Variants in LRRC4C observed in about 807,000 individuals in gnomAD.
The protein encoded by LRRC4C is leucine-rich repeat-containing protein 4C.
A neutral mutation model predicts 33.6 loss-of-function variants in LRRC4C; 5 were observed. The ratio of observed to expected loss-of-function variants is 0.15; its 90% CI spans 0.08 to 0.31. The LOEUF (loss-of-function observed/expected upper bound fraction) is 0.31. LRRC4C is among the 10% of genes least tolerant of loss of function. LRRC4C has a pLI of 1.00. For missense variants in LRRC4C, 560 were observed against 796.7 expected, an observed-to-expected ratio of 0.70 and a Z score of 3.58; for synonymous variants, 329 against 302.0, an observed-to-expected ratio of 1.09 and a Z score of -0.93.
At chr11:41,411,731 G>A (rs948047129) in intron 1 of LRRC4C, among the ~76,000 whole-genome samples, 3 of 152,144 alleles carry the variant, frequency 2.0e-5, no homozygotes, top group African/African-American at 4.8e-5. Flanking sequence ...AAGTTTGCAC[G>A]TTCTCCTGCT....
intron 4 of LRRC4C, among the ~76,000 whole-genome samples, chr11:40,262,152 C>T (rs1333381544): frequency 6.6e-6 from 1 of 152,120 alleles, no homozygotes; most frequent in African/African-American, 2.4e-5. Flanking sequence ...CAAACAACCA[C>T]ATCAAAAAGT....
At chr11:40,344,653 G>A (rs1231590165) in intron 3 of LRRC4C, among the ~76,000 whole-genome samples, 3 of 152,132 alleles carry the variant, frequency 2.0e-5, no homozygotes, top group Non-Finnish European at 4.4e-5. Context: ...GGCCTGGCCT[G>A]AGCAATCCAG....
chr11:40,350,277 G>C (rs1044262526), intron 3 of LRRC4C, among the ~76,000 whole-genome samples: 1 of 152,016 alleles, frequency 6.6e-6, no homozygotes, highest in Admixed American at 6.6e-5. Flanking sequence ...CATGTGCTGA[G>C]ATATAGGGGT....
intron 4 of LRRC4C, among the ~76,000 whole-genome samples, chr11:40,243,886 G>A (rs1464535205): frequency 6.8e-6 from 1 of 147,386 alleles, no homozygotes; most frequent in Non-Finnish European, 1.5e-5. Context: ...TTTTGGTAGA[G>A]ACGGAGTTTC....
intron 1 of LRRC4C, among the ~76,000 whole-genome samples, chr11:41,447,300 G>A (rs192785748): frequency 6.6e-6 from 1 of 152,186 alleles, no homozygotes; most frequent in East Asian, 1.9e-4. Flanking sequence ...TAAGATTTAT[G>A]TTCATCCTCA....
intron 2 of LRRC4C, among the ~76,000 whole-genome samples, chr11:40,690,402 C>A (rs7112114): frequency 0.63 from 95,503 of 151,842 alleles, 30,160 homozygotes; most frequent in East Asian, 0.71. Context: ...AACAAGCAAA[C>A]CCTATTTATT....
intron 2 of LRRC4C, among the ~76,000 whole-genome samples, chr11:40,803,947 A>T (rs1332090461): frequency 6.6e-6 from 1 of 152,180 alleles, no homozygotes; most frequent in Admixed American, 6.5e-5. Flanking sequence ...AGATATTTTT[A>T]AATGTACAAT....
chr11:40,921,238 A>G (rs976363594), intron 2 of LRRC4C, among the ~76,000 whole-genome samples: 3 of 152,126 alleles, frequency 2.0e-5, no homozygotes, highest in African/African-American at 7.2e-5. Context: ...TGAATCTCTA[A>G]AAGTGGAAGA....
intron 1 of LRRC4C, among the ~76,000 whole-genome samples, chr11:41,106,353 T>C (rs2135664164): frequency 1.3e-5 from 2 of 152,070 alleles, no homozygotes; most frequent in Middle Eastern, 6.8e-3. Context: ...AATAGCTAGA[T>C]GTATTATTTA....
chr11:40,800,282 T>C (rs771904567), intron 2 of LRRC4C, among the ~76,000 whole-genome samples: 1 of 152,198 alleles, frequency 6.6e-6, no homozygotes, highest in African/African-American at 2.4e-5. Context: ...TGGCAAAACA[T>C]GACTATTTTG....
chr11:40,715,876 T>C (rs1424909041), intron 2 of LRRC4C, among the ~76,000 whole-genome samples: 1 of 151,976 alleles, frequency 6.6e-6, no homozygotes, highest in Non-Finnish European at 1.5e-5. Context: ...AATATAAAAA[T>C]TAGCCCATCA....
intron 1 of LRRC4C, among the ~76,000 whole-genome samples, chr11:41,351,936 T>C (rs982529266): frequency 6.6e-6 from 1 of 152,132 alleles, no homozygotes; most frequent in Non-Finnish European, 1.5e-5. Flanking sequence ...CTTCGGTACA[T>C]AGATGACTGA....
At chr11:41,053,012 G>A (rs897442339) in intron 1 of LRRC4C, among the ~76,000 whole-genome samples, 4 of 152,076 alleles carry the variant, frequency 2.6e-5, no homozygotes, top group African/African-American at 4.8e-5. Flanking sequence ...TGAAAATCAA[G>A]TAGCATGTTT....
chr11:40,552,521 C>A (rs1354281735), intron 3 of LRRC4C, among the ~76,000 whole-genome samples: 4 of 152,124 alleles, frequency 2.6e-5, no homozygotes, highest in African/African-American at 4.8e-5. Context: ...CTTTCAGAAC[C>A]CTACTCAATG....
chr11:40,264,169 A>G (rs551021628), intron 4 of LRRC4C, among the ~76,000 whole-genome samples: 13 of 152,312 alleles, frequency 8.5e-5, no homozygotes, highest in Non-Finnish European at 1.6e-4. Flanking sequence ...CATAAGTGCC[A>G]GAGCCAGTAT....
intron 3 of LRRC4C, among the ~76,000 whole-genome samples, chr11:40,489,808 A>C (rs1352989059): frequency 6.6e-6 from 1 of 152,162 alleles, no homozygotes; most frequent in Non-Finnish European, 1.5e-5. Flanking sequence ...GACAAATAGG[A>C]TACTTTTATT....
At chr11:41,319,300 T>G (rs1950885855) in intron 1 of LRRC4C, among the ~76,000 whole-genome samples, 1 of 146,756 alleles carries the variant, frequency 6.8e-6, no homozygotes, top group African/African-American at 2.5e-5. Context: ...ATTAAAAATC[T>G]ATATTTAAAT....
At chr11:40,329,237 C>T (rs1057234235) in intron 3 of LRRC4C, among the ~76,000 whole-genome samples, 3 of 152,132 alleles carry the variant, frequency 2.0e-5, no homozygotes, top group Non-Finnish European at 2.9e-5. Flanking sequence ...TTAATTAAAC[C>T]TTGTTTTACT....
intron 3 of LRRC4C, among the ~76,000 whole-genome samples, chr11:40,524,873 A>C (rs1955974361): frequency 6.6e-6 from 1 of 152,208 alleles, no homozygotes; most frequent in Admixed American, 6.5e-5. Context: ...ACAATCATAA[A>C]CTTCACTGTG....
Sources: gnomAD v4.1 joint callset for allele counts (sites outside exome capture counted in the v4.1 genomes callset) on GRCh38, gnomAD v4.1.1 for gene constraint, MANE v1.5 for transcripts, NCBI Gene and HGNC (gene_info 2026-07-23, HGNC 2026-07-21) for gene names.